The following HPR variants were observed in gnomAD, a reference collection of about 807,000 sequenced individuals.
HPR encodes haptoglobin-related protein, also known as Haptoglobin-related locus.
Under a neutral mutation model 18.5 loss-of-function variants are expected in HPR, and 17 were observed. That is an observed-to-expected ratio of 0.92 (90% CI 0.63 to 1.38). The LOEUF (loss-of-function observed/expected upper bound fraction) is 1.38. Ranked by LOEUF, HPR falls within the 40% of genes most tolerant of loss-of-function variation. The probability of loss-of-function intolerance (pLI) is 0.00; values close to 1 mark genes in which losing one functional copy is unlikely to be tolerated. For synonymous variants in HPR, 176 were observed against 165.0 expected (o/e 1.07, Z -0.51); for missense variants, 457 against 432.4 (o/e 1.06, Z -0.51).
In HPR at chr16:72,077,015, GT is replaced by G. The variant is rs1332122899; in HGVS notation, c.982del (p.Tyr328MetfsTer5). 6.2e-7 allele frequency: 1 copy of G among 1,614,034 alleles called. No individual in the cohort carries two copies. The highest frequency in any genetic ancestry group is 2.2e-5 in the East Asian group (1 of 44,886). ...SFDKSCAVAE[Y>X]GVYVKVTSIQ... ...TTGATAAGAGCTGTGCTGTGGCTGAGTATGGTGTGTATGTGAAGGTGACTTC... is the reference window on the plus strand; with the variant it reads ...TTGATAAGAGCTGTGCTGTGGCTGAGATGGTGTGTATGTGAAGGTGACTTC... On this transcript the variant is annotated frameshift_variant, in exon 5 of 5. Coordinates refer to ENST00000540303, the MANE Select transcript of HPR (RefSeq NM_020995.4). LOFTEE classifies it high-confidence loss of function.
At chr16:72,066,996 C>T (rs1413182029) in intron 1 of HPR, among the ~76,000 whole-genome samples, 1 of 152,152 alleles carries the variant, frequency 6.6e-6, no homozygotes, top group East Asian at 1.9e-4. Context: ...CTACATTTCC[C>T]AGGCCCCCTA....
chr16:72,064,760 C>T (rs562899276), intron 1 of HPR, among the ~76,000 whole-genome samples: 2 of 152,258 alleles, frequency 1.3e-5, no homozygotes, highest in African/African-American at 2.4e-5. Flanking sequence ...TTTGCAGCAC[C>T]GAGCATTTGT....
At chr16:72,072,565 C>T (rs1249593041) in intron 1 of HPR, among the ~76,000 whole-genome samples, 1 of 152,118 alleles carries the variant, frequency 6.6e-6, no homozygotes, top group Non-Finnish European at 1.5e-5. Flanking sequence ...ACTAAACGAC[C>T]CCTTCACAAA....
In HPR at chr16:72,076,625, G is replaced by T; in HGVS notation, c.591G>T (p.Lys197Asn). Residue 197 changes from lysine (K) to asparagine (N), a missense_variant, in exon 5 of 5, where the codon AAG becomes AAT. By Grantham distance (94) the Lys-to-Asn change is moderately conservative. Transcript: ENST00000540303. Reference protein sequence around the residue: ...VDIGLIKLKQKVLVNERVMPI... With the variant: ...VDIGLIKLKQNVLVNERVMPI... ...TTGGGCTCATCAAACTCAAACAGAA[G>T]GTGCTTGTTAATGAGAGAGTGATGC... 1.9e-6 allele frequency: 3 copies of T among 1,614,168 alleles called. No homozygotes were observed. In the South Asian group the frequency reaches 3.3e-5, roughly 18 times the overall value.
chr16:72,073,143 G>A (rs2041675227), intron 1 of HPR, among the ~76,000 whole-genome samples: 1 of 152,158 alleles, frequency 6.6e-6, no homozygotes, highest in African/African-American at 2.4e-5. Context: ...TAGCCAACCG[G>A]GTTCAGCTTA....
chr16:72,066,073 A>AGCAG (rs1178736805), intron 1 of HPR, among the ~76,000 whole-genome samples: 1 of 152,220 alleles, frequency 6.6e-6, no homozygotes, highest in Non-Finnish European at 1.5e-5. Context: ...CATGAAATAG[A>AGCAG]GCAGTGTAAA....
intron 4 of HPR, among the ~76,000 whole-genome samples, chr16:72,075,711 C>T (rs916174444): frequency 6.6e-6 from 1 of 152,224 alleles, no homozygotes; most frequent in Non-Finnish European, 1.5e-5. Context: ...GAACTACCAA[C>T]CTGCCTCGTA....
chr16:72,068,619 GCTTAT>G (rs1297334040), intron 1 of HPR, among the ~76,000 whole-genome samples: 8 of 152,162 alleles, frequency 5.3e-5, no homozygotes. Flanking sequence ...CTTTAGGGGT[GCTTAT>G]CCAAGAGCAC....
chr16:72,071,212 C>G (rs2041652000), intron 1 of HPR, among the ~76,000 whole-genome samples: 1 of 152,158 alleles, frequency 6.6e-6, no homozygotes, highest in Non-Finnish European at 1.5e-5. Context: ...CAAAACAACC[C>G]AACTAAAGTA....
chr16:72,076,778 A>G lies in HPR; in HGVS notation c.744A>G (p.Gln248=), dbSNP rs748433402. 1.2e-6 allele frequency: 2 copies of G among 1,614,226 alleles called. No homozygotes were observed. Among genetic ancestry groups the G allele is most frequent in the East Asian group, 2.2e-5 (1 of 44,890 alleles). ...ATGTCATGCTGCCTGTGGCTGACCA[A>G]TACGATTGCATAACGCATTATGAAG... ...LKYVMLPVAD[Q]YDCITHYEGS... The change falls in exon 5 of 5, where the codon CAA becomes CAG. Residue 248 remains glutamine (Q), a synonymous_variant. Transcript: ENST00000540303.
chr16:72,070,456 C>G (rs1411822620), intron 1 of HPR, among the ~76,000 whole-genome samples: 1 of 152,130 alleles, frequency 6.6e-6, no homozygotes, highest in Non-Finnish European at 1.5e-5. Context: ...TGGGAAGGAC[C>G]CTACTTGGTG....
chr16:72,070,937 A>T (rs977819672), intron 1 of HPR, among the ~76,000 whole-genome samples: 1 of 152,130 alleles, frequency 6.6e-6, no homozygotes, highest in Non-Finnish European at 1.5e-5. Context: ...CAACTAATTC[A>T]TGGTCCCACC....
intron 1 of HPR, among the ~76,000 whole-genome samples, chr16:72,066,541 T>A (rs1202230251): frequency 6.6e-6 from 1 of 151,842 alleles, no homozygotes; most frequent in Non-Finnish European, 1.5e-5. Context: ...AATCAGTGAA[T>A]CCATACCCAG....
intron 1 of HPR, among the ~76,000 whole-genome samples, chr16:72,063,499 G>A (rs1017738500): frequency 2.6e-5 from 4 of 152,092 alleles, no homozygotes; most frequent in South Asian, 2.1e-4. Flanking sequence ...TTGAGGTTAC[G>A]TTTTTGTCTT....
intron 2 of HPR, 40 bp downstream of exon 2, chr16:72,074,017 C>A (rs1195579870): frequency 1.2e-6 from 2 of 1,612,404 alleles, no homozygotes; most frequent in African/African-American, 1.3e-5. Context: ...ATCCCTGGCA[C>A]TGCCACATCC....
chr16:72,075,833 CTTTTTTTT>C, intron 4 of HPR, among the ~76,000 whole-genome samples: 1 of 142,622 alleles, frequency 7.0e-6, no homozygotes, highest in East Asian at 2.0e-4. Context: ...TTCTTTCTTT[CTTTTTTTT>C]TTTTTTTGAG....
In HPR at chr16:72,077,115, A is replaced by G; in HGVS notation, c.*34A>G. ...TGGCCGGAAGCCCTTGCCTGAAAGC[A>G]AGATTTCAGCCTGGAAGAGGGCAAA... is the stretch of plus-strand genomic sequence containing the variant. On this transcript the variant is annotated 3_prime_UTR_variant, in exon 5 of 5. Coordinates refer to ENST00000540303, the MANE Select transcript of HPR (RefSeq NM_020995.4). The G allele has an allele frequency of 6.3e-7, 1 of 1,581,626 alleles. No homozygotes were observed. The highest frequency in any genetic ancestry group is 2.3e-5 in the East Asian group (1 of 44,428).
At chr16:72,076,180 G>A (rs950885289) in intron 4 of HPR, 123 bp from the exon 5 acceptor site, 4 of 1,533,698 alleles carry the variant, frequency 2.6e-6, no homozygotes, top group Non-Finnish European at 3.5e-6. Flanking sequence ...CAGGTGGTAA[G>A]GACAAAGCAT....
chr16:72,065,314 G>A (rs776780300), intron 1 of HPR, among the ~76,000 whole-genome samples: 29 of 152,054 alleles, frequency 1.9e-4, no homozygotes, highest in Non-Finnish European at 3.4e-4. Flanking sequence ...TAATACGAGG[G>A]ATTGAGCCAC....
Sources: gnomAD v4.1 joint callset for allele counts (sites outside exome capture counted in the v4.1 genomes callset) on GRCh38, gnomAD v4.1.1 for gene constraint, MANE v1.5 for transcripts, NCBI Gene and HGNC (gene_info 2026-07-23, HGNC 2026-07-21) for gene names.